Variants in ADAMTSL1 observed in about 807,000 individuals in gnomAD.
ADAMTSL1 encodes the protein ADAMTS like 1, also known as ADAMTS-like protein 1.
Under a neutral mutation model 201.8 loss-of-function variants are expected in ADAMTSL1, and 126 were observed. That is an observed-to-expected ratio of 0.62 (90% confidence interval 0.54 to 0.72). ADAMTSL1 has a LOEUF of 0.72. ADAMTSL1 is among the 30% of genes least tolerant of loss of function. The pLI is 0.00. For synonymous variants in ADAMTSL1, 1,121 were observed against 903.4 expected, an observed-to-expected ratio of 1.24 and a Z score of -4.32; for missense variants, 2,679 against 2,277.8, an observed-to-expected ratio of 1.18 and a Z score of -3.59.
chr9:18,347,116 A>G (rs894440809), intron 2 of ADAMTSL1, among the ~76,000 whole-genome samples: 4 of 152,132 alleles, frequency 2.6e-5, no homozygotes, highest in African/African-American at 9.7e-5. Flanking sequence ...ATGTGCCTTA[A>G]TCTCTTCTTT....
At chr9:18,471,158 T>A (rs1336655720), upstream of ADAMTSL1, among the ~76,000 whole-genome samples, 2 of 152,196 alleles carry the variant, frequency 1.3e-5, no homozygotes, top group Admixed American at 6.5e-5. Context: ...ATACTTTCCA[T>A]CGTCAGGTAA....
At chr9:18,795,796 T>A (rs1822386582) in intron 20 of ADAMTSL1, among the ~76,000 whole-genome samples, 1 of 152,222 alleles carries the variant, frequency 6.6e-6, no homozygotes, top group African/African-American at 2.4e-5. Context: ...GGATATTTCA[T>A]GCAGAAAGAA....
intron 4 of ADAMTSL1, among the ~76,000 whole-genome samples, chr9:18,594,265 C>A (rs912215081): frequency 1.3e-5 from 2 of 151,904 alleles, no homozygotes; most frequent in African/African-American, 4.8e-5. Context: ...TTATTTACTT[C>A]TTTTCTCTTT....
chr9:18,545,153 G>A (rs903862789), intron 3 of ADAMTSL1, among the ~76,000 whole-genome samples: 4 of 152,120 alleles, frequency 2.6e-5, no homozygotes, highest in Admixed American at 2.0e-4. Flanking sequence ...TGGGTTGTCT[G>A]CCCTGTGCCA....
At chr9:18,593,315 G>C (rs576362439) in intron 4 of ADAMTSL1, among the ~76,000 whole-genome samples, 4 of 152,042 alleles carry the variant, frequency 2.6e-5, no homozygotes, top group African/African-American at 9.7e-5. Context: ...AAAGCTTTCA[G>C]TTTTTCCCCA....
chr9:18,743,943 G>A (rs939836903), intron 15 of ADAMTSL1, among the ~76,000 whole-genome samples: 1 of 152,096 alleles, frequency 6.6e-6, no homozygotes. Context: ...GTAACCCTTC[G>A]TGATTCACTC....
intron 23 of ADAMTSL1, among the ~76,000 whole-genome samples, chr9:18,863,213 G>C (rs1827315629): frequency 6.6e-6 from 1 of 152,226 alleles, no homozygotes; most frequent in Non-Finnish European, 1.5e-5. Context: ...GGGTATGGGT[G>C]AAGGTAGTAA....
At chr9:18,305,690 A>T (rs1245402014) in intron 2 of ADAMTSL1, among the ~76,000 whole-genome samples, 1 of 152,226 alleles carries the variant, frequency 6.6e-6, no homozygotes, top group Non-Finnish European at 1.5e-5. Context: ...TCTCTGAAAG[A>T]AATGCAGCAG....
At chr9:18,296,721 A>C (rs1401556793) in intron 2 of ADAMTSL1, among the ~76,000 whole-genome samples, 3 of 152,226 alleles carry the variant, frequency 2.0e-5, no homozygotes, top group Admixed American at 2.0e-4. Context: ...TTGCTGGAAT[A>C]GCTGGCTCTA....
At chr9:18,900,576 C>G (rs1230761604) in intron 26 of ADAMTSL1, among the ~76,000 whole-genome samples, 1 of 152,066 alleles carries the variant, frequency 6.6e-6, no homozygotes, top group African/African-American at 2.4e-5. Flanking sequence ...GTACATAAAA[C>G]CATAATACTA....
chr9:18,138,658 C>G (rs1826261993), intron 1 of ADAMTSL1, among the ~76,000 whole-genome samples: 1 of 152,072 alleles, frequency 6.6e-6, no homozygotes, highest in African/African-American at 2.4e-5. Context: ...ATAAAGGAAA[C>G]ACTATAGAGA....
chr9:18,487,335 A>G (rs1246497695), intron 1 of ADAMTSL1, among the ~76,000 whole-genome samples: 1 of 152,230 alleles, frequency 6.6e-6, no homozygotes, highest in Non-Finnish European at 1.5e-5. Context: ...GTAGCTCTTT[A>G]CACAGCATTA....
chr9:18,834,815 C>A (rs1182633774), intron 23 of ADAMTSL1, among the ~76,000 whole-genome samples: 1 of 152,180 alleles, frequency 6.6e-6, no homozygotes, highest in African/African-American at 2.4e-5. Context: ...CAGGGCATTT[C>A]TATTGCTAAT....
chr9:18,848,764 T>C (rs1162010207), intron 23 of ADAMTSL1, among the ~76,000 whole-genome samples: 2 of 152,204 alleles, frequency 1.3e-5, no homozygotes, highest in African/African-American at 4.8e-5. Context: ...AAGGCCCCTG[T>C]TGCGGGTATT....
intron 1 of ADAMTSL1, among the ~76,000 whole-genome samples, chr9:18,070,314 C>T (rs12350936): frequency 0.28 from 42,864 of 152,000 alleles, 7,675 homozygotes; most frequent in Non-Finnish European, 0.39. Context: ...CTGACTTGGT[C>T]GACATAGCTA....
intron 2 of ADAMTSL1, among the ~76,000 whole-genome samples, chr9:18,208,349 C>T (rs1422924545): frequency 1.3e-5 from 2 of 151,902 alleles, no homozygotes; most frequent in Non-Finnish European, 2.9e-5. Context: ...ACTTTCTGAC[C>T]CCTGGTGGCA....
intron 2 of ADAMTSL1, among the ~76,000 whole-genome samples, chr9:18,176,684 T>C (rs1396949886): frequency 6.6e-6 from 1 of 152,166 alleles, no homozygotes; most frequent in Non-Finnish European, 1.5e-5. Context: ...GCATCAACTT[T>C]ACTCAGCACC....
Position 18,290,184 on chromosome 9 carries a change from T to C in ADAMTSL1, c.207+126203T>C, listed in dbSNP as rs75167896. The stretch of plus-strand genomic sequence containing the variant: ...AACTTGAACCCTCCACGTTCCTTGA[T>C]AAAAAGCAAGAGTGCCTATACAGCA... On this transcript the variant is annotated intron_variant, in intron 2 of 29. Coordinates refer to the ADAMTSL1 transcript ENST00000680146. 2.3e-3 allele frequency among the ~76,000 whole-genome samples: 350 copies of C among 152,242 alleles called. 1 individual carries two copies. The highest frequency in any genetic ancestry group is 2.8e-3 in the Non-Finnish European group (191 of 68,022).
chr9:18,446,359 A>C (rs562164539), intron 2 of ADAMTSL1, among the ~76,000 whole-genome samples: 1 of 152,360 alleles, frequency 6.6e-6, no homozygotes, highest in African/African-American at 2.4e-5. Context: ...GTTTTCTGAA[A>C]GCATTTAAAG....
Sources: gnomAD v4.1 joint callset for allele counts (sites outside exome capture counted in the v4.1 genomes callset) on GRCh38, gnomAD v4.1.1 for gene constraint, MANE v1.5 for transcripts, NCBI Gene and HGNC (gene_info 2026-07-23, HGNC 2026-07-21) for gene names.